Variants in TMEM266 observed in about 807,000 individuals in gnomAD.
TMEM266 encodes transmembrane protein 266.
In TMEM266, 33 loss-of-function variants were observed where a neutral mutation model predicts 50.5. The ratio of observed to expected loss-of-function variants is 0.65; its 90% confidence interval spans 0.50 to 0.87. TMEM266 has a LOEUF of 0.87. Among genes scored for constraint, TMEM266 ranks in the 40% least tolerant of loss-of-function variants. The pLI, the probability that TMEM266 is intolerant of heterozygous loss-of-function variation, is 0.00. For missense variants in TMEM266, 655 were observed against 695.1 expected (o/e 0.94, Z 0.65); for synonymous variants, 310 against 292.3 (o/e 1.06, Z -0.62).
intron 8 of TMEM266, among the ~76,000 whole-genome samples, chr15:76,186,541 C>G (rs2038492936): frequency 6.6e-6 from 1 of 152,222 alleles, no homozygotes; most frequent in South Asian, 2.1e-4. Context: ...AATCTGTCCC[C>G]TAAGCAGGTT....
chr15:76,172,453 T>G (rs62030167), intron 7 of TMEM266, among the ~76,000 whole-genome samples: 18,601 of 152,188 alleles, frequency 0.12, 1,436 homozygotes, highest in African/African-American at 0.21. Flanking sequence ...CCGCCAGCAT[T>G]TGCCACGCAG....
intron 9 of TMEM266, among the ~76,000 whole-genome samples, chr15:76,195,060 G>A (rs770444147): frequency 5.3e-5 from 8 of 152,102 alleles, no homozygotes; most frequent in Admixed American, 2.6e-4. Flanking sequence ...TGTTCTGTAC[G>A]GTTTCTGAGT....
At chr15:76,190,497 A>G (rs1392971894) in intron 8 of TMEM266, among the ~76,000 whole-genome samples, 1 of 151,538 alleles carries the variant, frequency 6.6e-6, no homozygotes, top group Non-Finnish European at 1.5e-5. Flanking sequence ...TGTTGGAGTG[A>G]TGGCAGAGGG....
chr15:76,134,177 T>A lies in TMEM266; in HGVS notation c.-87T>A. On this transcript the variant is annotated 5_prime_UTR_variant, in exon 2 of 11. Coordinates refer to ENST00000388942, the MANE Select transcript of TMEM266 (RefSeq NM_152335.3). The stretch of plus-strand genomic sequence containing the variant: ...CTATTTTTGTTTTCAGGGCACTATA[T>A]TTGTATGTGTCTTGTAGAACCCACG... 2 of 1,461,534 alleles carry A rather than the reference T, an allele frequency of 1.4e-6. No individual in the cohort carries two copies. The highest frequency in any genetic ancestry group is 2.3e-5 in the South Asian group (2 of 85,830). The allele number at this position is 1,461,534 out of a possible 1,614,324, so 90.5% of individuals were successfully genotyped here.
intron 1 of TMEM266, among the ~76,000 whole-genome samples, chr15:76,108,116 G>C (rs537380835): frequency 6.6e-6 from 1 of 152,208 alleles, no homozygotes; most frequent in African/African-American, 2.4e-5. Context: ...CTCATTGCAC[G>C]GGGGCACCAC....
intron 8 of TMEM266, among the ~76,000 whole-genome samples, chr15:76,181,957 C>T (rs1467259753): frequency 6.6e-6 from 1 of 152,172 alleles, no homozygotes; most frequent in Non-Finnish European, 1.5e-5. Context: ...AAGTTAGTTT[C>T]TCTTCTCTGA....
chr15:76,086,632 G>GT (rs757390389), intron 1 of TMEM266, among the ~76,000 whole-genome samples: 26 of 152,178 alleles, frequency 1.7e-4, no homozygotes, highest in Non-Finnish European at 5.9e-5. Context: ...CCCTCTAGAG[G>GT]TTTCCTATTG....
intron 3 of TMEM266, among the ~76,000 whole-genome samples, chr15:76,148,765 T>C (rs368427709): frequency 1.3e-5 from 2 of 151,296 alleles, no homozygotes; most frequent in African/African-American, 4.9e-5. Context: ...CCCTACTGTT[T>C]CCCAGCGTTG....
chr15:76,071,796 T>C (rs2036543469), intron 1 of TMEM266, among the ~76,000 whole-genome samples: 1 of 152,064 alleles, frequency 6.6e-6, no homozygotes, highest in African/African-American at 2.4e-5. Context: ...AGTGCAGGCT[T>C]CCCCCGCTTC....
intron 5 of TMEM266, among the ~76,000 whole-genome samples, chr15:76,167,031 C>T (rs998793884): frequency 1.3e-5 from 2 of 152,136 alleles, no homozygotes; most frequent in Non-Finnish European, 2.9e-5. Context: ...TTGCACCAGG[C>T]CGTATTCCCA....
chr15:76,086,982 T>G (rs1364179659), intron 1 of TMEM266, among the ~76,000 whole-genome samples: 1 of 151,920 alleles, frequency 6.6e-6, no homozygotes, highest in Non-Finnish European at 1.5e-5. Flanking sequence ...TTTTATTACT[T>G]GGGCATGGAA....
At chr15:76,107,675 C>T (rs2037104167) in intron 1 of TMEM266, among the ~76,000 whole-genome samples, 1 of 152,154 alleles carries the variant, frequency 6.6e-6, no homozygotes, top group Non-Finnish European at 1.5e-5. Flanking sequence ...CTTGTGTTCC[C>T]AGCACCTAGT....
intron 8 of TMEM266, among the ~76,000 whole-genome samples, chr15:76,187,662 A>AG (rs1326546318): frequency 6.6e-6 from 1 of 152,222 alleles, no homozygotes; most frequent in African/African-American, 2.4e-5. Context: ...GTCTGAGCCC[A>AG]GTGTGAGCCC....
chr15:76,130,598 A>C (rs981744846), intron 1 of TMEM266, among the ~76,000 whole-genome samples: 2 of 152,246 alleles, frequency 1.3e-5, no homozygotes, highest in Non-Finnish European at 2.9e-5. Flanking sequence ...TTTAAAAGGA[A>C]TCCTTCTCCT....
chr15:76,199,541 GGGT>G (rs1596173931), intron 9 of TMEM266, among the ~76,000 whole-genome samples: 4 of 79,436 alleles, frequency 5.0e-5, no homozygotes, highest in Admixed American at 2.7e-4. Flanking sequence ...GAGAAGACCT[GGGT>G]GTCCGTGCTG....
At chr15:76,095,848 T>G (rs2036913896) in intron 1 of TMEM266, among the ~76,000 whole-genome samples, 1 of 151,980 alleles carries the variant, frequency 6.6e-6, no homozygotes, top group Non-Finnish European at 1.5e-5. Context: ...CTTGGGAGGG[T>G]GTATGTGTCC....
intron 1 of TMEM266, among the ~76,000 whole-genome samples, chr15:76,130,874 A>G (rs947379192): frequency 1.3e-5 from 2 of 152,180 alleles, no homozygotes; most frequent in Admixed American, 6.5e-5. Flanking sequence ...TATGTTTTAT[A>G]TTGGCTGTAT....
At position 76,134,314 on chromosome 15, in the gene TMEM266, G is replaced by A. The variant is rs1317187547; in HGVS notation, c.38+13G>A. 1 of 1,612,136 alleles carries A rather than the reference G, an allele frequency of 6.2e-7. No individual in the cohort carries two copies. On this transcript the variant is annotated intron_variant, in intron 2 of 10. Coordinates refer to ENST00000388942, the MANE Select transcript of TMEM266 (RefSeq NM_152335.3). ...TGACCAATCCACAGTAAGTAATGCT[G>A]GGATCTGCTCTCTGGATCCAGAACT...
At chr15:76,097,485 G>C (rs1394067901) in intron 1 of TMEM266, among the ~76,000 whole-genome samples, 1 of 151,998 alleles carries the variant, frequency 6.6e-6, no homozygotes, top group African/African-American at 2.4e-5. Flanking sequence ...GAGATCTGCT[G>C]CTTCCCTTTG....
Sources: gnomAD v4.1 joint callset for allele counts (sites outside exome capture counted in the v4.1 genomes callset) on GRCh38, gnomAD v4.1.1 for gene constraint, MANE v1.5 for transcripts, NCBI Gene and HGNC (gene_info 2026-07-23, HGNC 2026-07-21) for gene names.